AP2B1: variants seen among roughly 807,000 people sequenced by gnomAD.
AP2B1 encodes the protein adaptor related protein complex 2 subunit beta 1, also known as AP-2 complex subunit beta.
AP2B1 carries 23 observed loss-of-function variants against 102.0 expected under a neutral mutation model. The observed-to-expected ratio is 0.23, with a 90% CI of 0.16 to 0.32. AP2B1 has a LOEUF of 0.32. Among genes scored for constraint, AP2B1 ranks in the 10% least tolerant of loss-of-function variants. AP2B1 has a pLI of 1.00. For synonymous variants in AP2B1, 381 were observed against 421.2 expected, an observed-to-expected ratio of 0.90 and a Z score of 1.17; for missense variants, 541 against 1,157.4, an observed-to-expected ratio of 0.47 and a Z score of 7.73.
At chr17:35,651,361 G>A (rs1463609413) in intron 13 of AP2B1, among the ~76,000 whole-genome samples, 1 of 152,098 alleles carries the variant, frequency 6.6e-6, no homozygotes, top group South Asian at 2.1e-4. Context: ...TATCAGCAAG[G>A]AAATTGTTAT....
chr17:35,638,790 A>AAG (rs2074684658), intron 10 of AP2B1, among the ~76,000 whole-genome samples: 1 of 3,570 alleles, frequency 2.8e-4, no homozygotes, highest in Admixed American at 3.2e-3. Context: ...CTCCGTCTTG[A>AAG]AAAAAAAAAA....
intron 9 of AP2B1, among the ~76,000 whole-genome samples, chr17:35,635,142 C>G (rs1438532008): frequency 6.6e-6 from 1 of 152,188 alleles, no homozygotes; most frequent in African/African-American, 2.4e-5. Flanking sequence ...ACCTGTGTGT[C>G]TCCCGGGCTC....
intron 17 of AP2B1, among the ~76,000 whole-genome samples, chr17:35,676,391 T>A (rs1349059922): frequency 6.6e-6 from 1 of 152,326 alleles, no homozygotes; most frequent in East Asian, 1.9e-4. Context: ...TAATATGGAA[T>A]CTTGTATCTG....
chr17:35,684,541 CT>C (rs587691373), intron 18 of AP2B1, among the ~76,000 whole-genome samples: 4 of 152,122 alleles, frequency 2.6e-5, no homozygotes, highest in Non-Finnish European at 4.4e-5. Context: ...AGTTGACTGC[CT>C]TTTTTTCAGC....
In AP2B1 at chr17:35,671,877, G is replaced by C; in HGVS notation, c.2155G>C (p.Gly719Arg). 1 of 1,614,042 alleles carries C rather than the reference G, an allele frequency of 6.2e-7. No homozygotes were observed. Among genetic ancestry groups the C allele is most frequent in the Non-Finnish European group, 8.5e-7 (1 of 1,179,966 alleles). ...ELSTGIGMAPGGYVAPKAVWL... is the reference protein window; with the variant it reads ...ELSTGIGMAPRGYVAPKAVWL... The stretch of plus-strand genomic sequence containing the variant: ...CTCCACAGGGATAGGCATGGCACCT[G>C]GTGGATATGTGGCTCCTAAGGCTGT... Residue 719 changes from glycine to arginine, a missense_variant, in exon 16 of 22, where the codon GGT (glycine) becomes CGT (arginine). Transcript: ENST00000610402.
intron 18 of AP2B1, among the ~76,000 whole-genome samples, chr17:35,694,427 A>ATTTTTTTTTTTTTTT (rs1555581002): frequency 1.3e-4 from 15 of 114,522 alleles, no homozygotes; most frequent in East Asian, 2.8e-4. Flanking sequence ...TTTTTTTTTA[A>ATTTTTTTTTTTTTTT]TTTTTTAATT....
At position 35,709,311 on chromosome 17, in the gene AP2B1, AAGT is replaced by A. The variant is rs1555586337; in HGVS notation, c.2539+5_2539+7del. The A allele has an allele frequency of 6.2e-7, 1 of 1,612,066 alleles. No individual in the cohort carries two copies. The highest frequency in any genetic ancestry group is 8.5e-7 in the Non-Finnish European group (1 of 1,178,196). ...TTTTGTAGAAGATGGCAAAATGGGTAAGTACCTTCCTGCCTGTCCTGCTGAATA... is the reference window on the plus strand; with the variant it reads ...TTTTGTAGAAGATGGCAAAATGGGTAACCTTCCTGCCTGTCCTGCTGAATA... On this transcript the variant is annotated splice_donor_5th_base_variant and intron_variant, in intron 19 of 21. Transcript: ENST00000610402.
At chr17:35,695,338 A>C (rs1163653777) in intron 18 of AP2B1, among the ~76,000 whole-genome samples, 1 of 152,104 alleles carries the variant, frequency 6.6e-6, no homozygotes, top group East Asian at 1.9e-4. Flanking sequence ...TAAAACTTTC[A>C]AAATGAGGGA....
chr17:35,662,888 G>A (rs1305201740), intron 14 of AP2B1, among the ~76,000 whole-genome samples: 1 of 152,104 alleles, frequency 6.6e-6, no homozygotes, highest in African/African-American at 2.4e-5. Flanking sequence ...TATCCAAAGT[G>A]CCCTTTCTCT....
intron 5 of AP2B1, among the ~76,000 whole-genome samples, chr17:35,622,814 A>G (rs2074217749): frequency 6.6e-6 from 1 of 152,056 alleles, no homozygotes; most frequent in Admixed American, 6.6e-5. Context: ...ACAGGCACAC[A>G]CCACCATGCC....
chr17:35,705,638 C>G (rs746558562), intron 18 of AP2B1, among the ~76,000 whole-genome samples: 1 of 152,164 alleles, frequency 6.6e-6, no homozygotes, highest in Admixed American at 6.5e-5. Flanking sequence ...TCTCCCACTT[C>G]AGCCTCCTGA....
chr17:35,626,075 A>C (rs917571511), intron 6 of AP2B1, among the ~76,000 whole-genome samples: 2 of 152,172 alleles, frequency 1.3e-5, no homozygotes, highest in Non-Finnish European at 2.9e-5. Context: ...CTATTTAAAA[A>C]ACAAACCCTT....
At chr17:35,648,648 T>G (rs1161371940) in intron 12 of AP2B1, among the ~76,000 whole-genome samples, 1 of 152,084 alleles carries the variant, frequency 6.6e-6, no homozygotes, top group Non-Finnish European at 1.5e-5. Context: ...AATGGTGCAG[T>G]GGGCATTACA....
At chr17:35,609,297 T>C (rs957198650) in intron 5 of AP2B1, among the ~76,000 whole-genome samples, 1 of 151,950 alleles carries the variant, frequency 6.6e-6, no homozygotes, top group Non-Finnish European at 1.5e-5. Context: ...CACTCCTACC[T>C]CAGCCTCCTG....
intron 18 of AP2B1, among the ~76,000 whole-genome samples, chr17:35,697,182 C>T (rs991066018): frequency 1.2e-4 from 19 of 152,200 alleles, no homozygotes; most frequent in African/African-American, 4.6e-4. Context: ...AGACTACAAT[C>T]ACAAATTCAT....
At chr17:35,600,937 GTGC>G in intron 3 of AP2B1, 2 of 916,050 alleles carry the variant, frequency 2.2e-6, no homozygotes, top group Non-Finnish European at 1.3e-6. Context: ...CTTGCTCCAG[GTGC>G]TGCTCTTCTG....
chr17:35,628,532 G>A (rs1000429221), intron 9 of AP2B1, among the ~76,000 whole-genome samples: 4 of 152,190 alleles, frequency 2.6e-5, no homozygotes, highest in Non-Finnish European at 5.9e-5. Flanking sequence ...GAGTCTGGGA[G>A]GCTGAGACTG....
At chr17:35,642,007 T>G in intron 12 of AP2B1, 32 bp downstream of exon 12, 2 of 1,513,864 alleles carry the variant, frequency 1.3e-6, no homozygotes, top group Non-Finnish European at 1.8e-6. Flanking sequence ...AGATGTTGAT[T>G]TGTCTTGTTT....
intron 21 of AP2B1, 93 bp from the exon 22 acceptor site, chr17:35,723,530 CTG>C: frequency 1.3e-6 from 1 of 769,394 alleles, no homozygotes; most frequent in Non-Finnish European, 2.3e-6. Context: ...TTCTCTCCCA[CTG>C]TGTCAAAAGT....
Sources: allele counts gnomAD v4.1 joint callset (sites outside exome capture counted in the v4.1 genomes callset), GRCh38; gene constraint gnomAD v4.1.1; transcripts MANE v1.5; gene names NCBI Gene and HGNC (gene_info 2026-07-23, HGNC 2026-07-21).